The following SNRPA variants were observed in gnomAD, a reference collection of about 807,000 sequenced individuals.
SNRPA encodes U1 small nuclear ribonucleoprotein A.
SNRPA carries 10 observed loss-of-function variants against 24.5 expected under a neutral mutation model. That is an observed-to-expected ratio of 0.41 (90% CI 0.25 to 0.69). The LOEUF is 0.69. Among genes scored for constraint, SNRPA ranks in the 30% least tolerant of loss-of-function variants. The probability of loss-of-function intolerance (pLI) is 0.33; values close to 1 mark genes in which losing one functional copy is unlikely to be tolerated. For synonymous variants in SNRPA, 165 were observed against 148.4 expected (o/e 1.11, Z -0.81); for missense variants, 283 against 394.7 (o/e 0.72, Z 2.40).
At chr19:40,756,089 A>G (rs908378698) in intron 1 of SNRPA, among the ~76,000 whole-genome samples, 1 of 152,112 alleles carries the variant, frequency 6.6e-6, no homozygotes, top group Admixed American at 6.6e-5. Flanking sequence ...CCTGGCCAAC[A>G]TAGGAGACTG....
chr19:40,763,120 A>C, intron 4 of SNRPA, 46 bp downstream of exon 4: 1 of 1,430,456 alleles, frequency 7.0e-7, no homozygotes. Flanking sequence ...AATAGTGAGA[A>C]TACAGGACTA....
chr19:40,761,162 AT>A (rs1290546451), intron 3 of SNRPA, among the ~76,000 whole-genome samples: 1 of 150,916 alleles, frequency 6.6e-6, no homozygotes, highest in African/African-American at 2.4e-5. Flanking sequence ...ACCAACCAGG[AT>A]GATATACAGT....
intron 4 of SNRPA, 172 bp downstream of exon 4, chr19:40,763,246 A>G: frequency 1.7e-6 from 1 of 602,488 alleles, no homozygotes; most frequent in East Asian, 2.8e-5. Flanking sequence ...AGGAATTGGC[A>G]TGCTGGTTGG....
chr19:40,760,324 G>T (rs1362402124), intron 3 of SNRPA, among the ~76,000 whole-genome samples: 1 of 152,154 alleles, frequency 6.6e-6, no homozygotes, highest in African/African-American at 2.4e-5. Flanking sequence ...ATTTTTATAT[G>T]CCAGTAACAG....
chr19:40,761,984 C>T (rs926834838), intron 3 of SNRPA, among the ~76,000 whole-genome samples: 10 of 152,100 alleles, frequency 6.6e-5, no homozygotes, highest in Admixed American at 1.3e-4. Flanking sequence ...ATGCTCTATT[C>T]GGTGCCACTC....
intron 1 of SNRPA, among the ~76,000 whole-genome samples, chr19:40,755,004 GC>G (rs2082902374): frequency 6.7e-6 from 1 of 148,966 alleles, no homozygotes; most frequent in South Asian, 2.2e-4. Flanking sequence ...TGCTGTCCCT[GC>G]CCCCACCCAG....
chr19:40,764,926 C>T (rs2082947807), intron 5 of SNRPA, 82 bp from the exon 6 acceptor site: 10 of 1,351,260 alleles, frequency 7.4e-6, no homozygotes, highest in Non-Finnish European at 9.8e-6. Context: ...GGCTATTTGG[C>T]ATCATTTCTG....
intron 3 of SNRPA, among the ~76,000 whole-genome samples, chr19:40,761,726 C>T (rs919995621): frequency 3.3e-5 from 5 of 152,132 alleles, no homozygotes; most frequent in Admixed American, 6.6e-5. Context: ...CTCACCCTCC[C>T]GAAGTGCTGG....
At position 40,759,564 on chromosome 19, in the gene SNRPA, G is replaced by C; in HGVS notation, c.380G>C (p.Gly127Ala). The C allele has an allele frequency of 6.2e-7, 1 of 1,613,764 alleles. No individual in the cohort carries two copies. Among genetic ancestry groups the C allele is most frequent in the Non-Finnish European group, 8.5e-7 (1 of 1,179,936 alleles). ...CCGGCCACCAAGAAGGCTGTGCAAG[G>C]CGGGGGAGCCACCCCCGTGGTGGGG... ...ETPATKKAVQ[G>A]GGATPVVGAV... The change falls in exon 3 of 6, where the codon GGC becomes GCC. Residue 127 changes from glycine to alanine, a missense_variant. Physicochemically the swap from Gly to Ala is moderately conservative, Grantham distance 60. Transcript: ENST00000243563.
chr19:40,760,349 C>T (rs2145013236), intron 3 of SNRPA, among the ~76,000 whole-genome samples: 1 of 152,284 alleles, frequency 6.6e-6, no homozygotes, highest in South Asian at 2.1e-4. Context: ...GTAGACTTCA[C>T]ATTGAAAAGT....
rs746525368 is a variant in SNRPA at position 40,753,384 on chromosome 19, G to GTTTTTTTTTTTT, written c.73+1922_73+1933dup. Among the ~76,000 whole-genome samples the GTTTTTTTTTTTT allele has an allele frequency of 1.6e-3, 62 of 38,388 alleles. 6 individuals are homozygous for GTTTTTTTTTTTT. Among genetic ancestry groups the GTTTTTTTTTTTT allele is most frequent in the Admixed American group, 2.0e-3 (4 of 2,040 alleles). The allele number at this position is 38,388 out of a possible 152,430, so 25.2% of individuals were successfully genotyped here. ...AATCAGGAGTGTAAATTTTGCATAT[G>GTTTTTTTTTTTT]TTTTTTTTTTTTTTTTTTTTTTTTT... On this transcript the variant is annotated intron_variant, in intron 1 of 5. Transcript: ENST00000243563.
At chr19:40,756,999 C>T (rs1599727497) in intron 1 of SNRPA, 1 of 288,400 alleles carries the variant, frequency 3.5e-6, no homozygotes, top group Non-Finnish European at 6.7e-6. Context: ...GCCAGGGCCA[C>T]GTCATGCAGG....
At chr19:40,760,807 C>T (rs1355712011) in intron 3 of SNRPA, among the ~76,000 whole-genome samples, 3 of 152,164 alleles carry the variant, frequency 2.0e-5, no homozygotes, top group African/African-American at 7.2e-5. Context: ...GGCGTGGTGA[C>T]TCATTCCTGT....
intron 5 of SNRPA, among the ~76,000 whole-genome samples, chr19:40,764,766 C>T (rs1360397837): frequency 6.6e-6 from 1 of 152,050 alleles, no homozygotes; most frequent in Non-Finnish European, 1.5e-5. Flanking sequence ...CTGCGGTGTA[C>T]TGTTTCTTGA....
chr19:40,762,283 C>T (rs2082936107), intron 3 of SNRPA, among the ~76,000 whole-genome samples: 1 of 151,016 alleles, frequency 6.6e-6, no homozygotes, highest in East Asian at 2.0e-4. Flanking sequence ...GTGGTGTGAT[C>T]TCGGCTCACT....
At chr19:40,753,158 C>G (rs953271954) in intron 1 of SNRPA, among the ~76,000 whole-genome samples, 9 of 151,994 alleles carry the variant, frequency 5.9e-5, no homozygotes, top group Non-Finnish European at 1.2e-4. Flanking sequence ...AGTTCAAGAC[C>G]AGTCTGGCCA....
chr19:40,760,019 T>TTTTA (rs1299800605), intron 3 of SNRPA, among the ~76,000 whole-genome samples: 9 of 152,112 alleles, frequency 5.9e-5, no homozygotes, highest in Non-Finnish European at 1.0e-4. Flanking sequence ...AAAAAATTAG[T>TTTTA]TTTATTTATT....
intron 1 of SNRPA, among the ~76,000 whole-genome samples, chr19:40,752,333 G>C (rs185943522): frequency 8.6e-5 from 13 of 150,940 alleles, no homozygotes; most frequent in Admixed American, 6.0e-4. Context: ...GCGAAACTCC[G>C]TCTCAAAAAA....
rs2082941947 is a variant in SNRPA at position 40,763,550 on chromosome 19, GGCTCTTGT to G, written c.601-32_601-25del. The G allele has an allele frequency of 2.6e-6, 4 of 1,550,074 alleles. No homozygotes were observed. The East Asian group carries it at 6.7e-5, about 26-fold the overall frequency. Reference sequence around the variant, plus strand: ...ACTATGGGTCTCCCACTGGACTCAGGGCTCTTGTGCTCACCGACTCCCCTATACCCCCG... The same window carrying G: ...ACTATGGGTCTCCCACTGGACTCAGGGCTCACCGACTCCCCTATACCCCCG... On this transcript the variant is annotated intron_variant, in intron 4 of 5. Transcript: ENST00000243563.
Sources: allele counts gnomAD v4.1 joint callset (sites outside exome capture counted in the v4.1 genomes callset), GRCh38; gene constraint gnomAD v4.1.1; transcripts MANE v1.5; gene names NCBI Gene and HGNC (gene_info 2026-07-23, HGNC 2026-07-21).